Variants in ERBB4 observed in about 807,000 individuals in gnomAD.
The protein encoded by ERBB4 is receptor tyrosine-protein kinase erbB-4.
In ERBB4, 42 loss-of-function variants were observed where a neutral mutation model predicts 158.0. The ratio of observed to expected loss-of-function variants is 0.27; its 90% CI spans 0.21 to 0.34. The LOEUF (loss-of-function observed/expected upper bound fraction) is 0.34. Ranked by LOEUF, ERBB4 falls within the 10% of genes least tolerant of loss-of-function variation. ERBB4 has a pLI of 1.00. For synonymous variants in ERBB4, 583 were observed against 558.7 expected (o/e 1.04, Z -0.61); for missense variants, 1,333 against 1,624.1 (o/e 0.82, Z 3.08).
At position 211,728,445 on chromosome 2, in the gene ERBB4, G is replaced by T. The variant is rs149597497; in HGVS notation, c.623-3251C>A. Among the ~76,000 whole-genome samples the T allele has an allele frequency of 7.3e-5, 11 of 151,300 alleles. No homozygotes were observed. The East Asian group carries it at 1.9e-3, about 27-fold the overall frequency. ...GATATTTCTATCTTTTAACCAAGTG[G>T]TATATTTGTTTAGATGCCCTAATTA... On this transcript the variant is annotated intron_variant, in intron 5 of 27. Transcript: ENST00000342788.
chr2:211,992,090 C>T (rs113553936), intron 2 of ERBB4, among the ~76,000 whole-genome samples: 3,361 of 152,230 alleles, frequency 0.022, 56 homozygotes, highest in Middle Eastern at 0.048. Context: ...GTTCCAAAAT[C>T]GCTTCCACAT....
At chr2:211,726,043 C>T (rs1440543129) in intron 5 of ERBB4, among the ~76,000 whole-genome samples, 1 of 152,122 alleles carries the variant, frequency 6.6e-6, no homozygotes, top group African/African-American at 2.4e-5. Context: ...TTCTGCTTAT[C>T]TCACTTATTC....
intron 2 of ERBB4, among the ~76,000 whole-genome samples, chr2:212,101,872 A>G (rs1021145747): frequency 6.6e-6 from 1 of 151,756 alleles, no homozygotes; most frequent in Non-Finnish European, 1.5e-5. Context: ...CCGTCAACAC[A>G]GACCTCCATG....
chr2:211,927,429 T>C (rs1322681082), intron 3 of ERBB4, among the ~76,000 whole-genome samples: 2 of 152,146 alleles, frequency 1.3e-5, no homozygotes, highest in Non-Finnish European at 2.9e-5. Context: ...AACGTTACAG[T>C]TTTTTTAGGA....
chr2:211,926,313 G>T (rs1434291477), intron 3 of ERBB4, among the ~76,000 whole-genome samples: 3 of 152,050 alleles, frequency 2.0e-5, no homozygotes, highest in Non-Finnish European at 4.4e-5. Context: ...ATCTGATTTG[G>T]CAAGAATTTA....
At chr2:211,741,605 T>C (rs2074800149) in intron 5 of ERBB4, among the ~76,000 whole-genome samples, 2 of 152,066 alleles carry the variant, frequency 1.3e-5, no homozygotes, top group South Asian at 4.1e-4. Flanking sequence ...CCCAGTTTAA[T>C]ATTCTTTTTG....
chr2:211,459,834 G>A (rs150919576), intron 20 of ERBB4, among the ~76,000 whole-genome samples: 31 of 152,124 alleles, frequency 2.0e-4, no homozygotes, highest in African/African-American at 2.2e-4. Context: ...AGTTTATCTC[G>A]TTGTTTATAT....
chr2:212,311,710 AT>A (rs763086000), intron 1 of ERBB4, among the ~76,000 whole-genome samples: 26 of 151,014 alleles, frequency 1.7e-4, no homozygotes, highest in Non-Finnish European at 2.5e-4. Flanking sequence ...GAATATATTC[AT>A]AACAATTTTG....
chr2:212,346,259 CTA>C (rs1487957678), intron 1 of ERBB4, among the ~76,000 whole-genome samples: 1 of 151,916 alleles, frequency 6.6e-6, no homozygotes, highest in Non-Finnish European at 1.5e-5. Context: ...TGTGCTGTAT[CTA>C]TGTTTTCTAA....
At chr2:211,842,848 C>G (rs1279410332) in intron 3 of ERBB4, among the ~76,000 whole-genome samples, 2 of 152,092 alleles carry the variant, frequency 1.3e-5, no homozygotes, top group East Asian at 3.9e-4. Context: ...ATGACTATAA[C>G]AGTGCTTGGC....
At chr2:211,814,505 T>C (rs2105924631) in intron 3 of ERBB4, among the ~76,000 whole-genome samples, 1 of 152,204 alleles carries the variant, frequency 6.6e-6, no homozygotes, top group Middle Eastern at 3.4e-3. Flanking sequence ...GGTACTAAGA[T>C]GAAAAACTGA....
At chr2:211,414,778 A>T (rs2063345825) in intron 25 of ERBB4, among the ~76,000 whole-genome samples, 2 of 152,200 alleles carry the variant, frequency 1.3e-5, no homozygotes, top group East Asian at 3.9e-4. Context: ...TTAGCTTAGA[A>T]ATATGGCCTT....
At chr2:211,699,716 A>G (rs1184304776) in intron 12 of ERBB4, among the ~76,000 whole-genome samples, 1 of 152,146 alleles carries the variant, frequency 6.6e-6, no homozygotes, top group Non-Finnish European at 1.5e-5. Flanking sequence ...AAATATGCCT[A>G]TGGTCTGAAA....
intron 19 of ERBB4, among the ~76,000 whole-genome samples, chr2:211,603,124 G>A (rs1389708181): frequency 6.6e-6 from 1 of 152,064 alleles, no homozygotes; most frequent in Admixed American, 6.6e-5. Flanking sequence ...CCAGCTACTC[G>A]GGAGGCTGAG....
At chr2:211,571,200 A>G (rs772604901) in intron 19 of ERBB4, among the ~76,000 whole-genome samples, 6 of 151,736 alleles carry the variant, frequency 4.0e-5, no homozygotes, top group African/African-American at 7.3e-5. Flanking sequence ...TGTCCCTTCA[A>G]TGCAGAAATA....
intron 25 of ERBB4, among the ~76,000 whole-genome samples, chr2:211,414,533 AG>A (rs796972209): frequency 0.018 from 2,694 of 151,376 alleles, 89 homozygotes; most frequent in African/African-American, 0.063. Flanking sequence ...AGAAAAGAAA[AG>A]AAGAAAAGAA....
chr2:212,501,756 A>T (rs1248690856), intron 1 of ERBB4, among the ~76,000 whole-genome samples: 1 of 152,136 alleles, frequency 6.6e-6, no homozygotes, highest in African/African-American at 2.4e-5. Context: ...CATAAACTTT[A>T]GTGTACTCTA....
rs2076493912 is a variant in ERBB4 at position 212,015,095 on chromosome 2, TATATATATATATATATA to T, written c.235-67496_235-67480del. On this transcript the variant is annotated intron_variant, in intron 2 of 27. Coordinates refer to ENST00000342788, the MANE Select transcript of ERBB4 (RefSeq NM_005235.3). ...ATATATATATATATATATATATATA[TATATATATATATATATA>T]AAAATTAGCCGGGCATGGTGGCGGG... Among the ~76,000 whole-genome samples the T allele has an allele frequency of 1.5e-4, 10 of 67,668 alleles. 2 individuals carry two copies. Among genetic ancestry groups the T allele is most frequent in the Non-Finnish European group, 2.4e-4 (9 of 38,032 alleles). The allele number at this position is 67,668 out of a possible 152,430, so 44.4% of individuals were successfully genotyped here.
chr2:211,887,306 A>T (rs2078831029), intron 3 of ERBB4, among the ~76,000 whole-genome samples: 2 of 151,742 alleles, frequency 1.3e-5, no homozygotes, highest in Admixed American at 6.6e-5. Context: ...AGGAAAAAAA[A>T]AACAAGTAGT....
Sources: gnomAD v4.1 joint callset for allele counts (sites outside exome capture counted in the v4.1 genomes callset) on GRCh38, gnomAD v4.1.1 for gene constraint, MANE v1.5 for transcripts, NCBI Gene and HGNC (gene_info 2026-07-23, HGNC 2026-07-21) for gene names.